IQGAP2: variants seen among roughly 807,000 people sequenced by gnomAD.
IQGAP2 encodes IQ motif containing GTPase activating protein 2.
In IQGAP2, 173 loss-of-function variants were observed where a neutral mutation model predicts 201.3. The ratio of observed to expected loss-of-function variants is 0.86; its 90% confidence interval spans 0.76 to 0.98. The LOEUF is 0.98. Ranked by LOEUF, IQGAP2 falls within the 50% of genes least tolerant of loss-of-function variation. The probability of loss-of-function intolerance (pLI) is 0.00; values close to 1 mark genes in which losing one functional copy is unlikely to be tolerated. For missense variants in IQGAP2, 1,687 were observed against 1,864.8 expected (o/e 0.90, Z 1.76); for synonymous variants, 675 against 673.9 (o/e 1.00, Z -0.03).
intron 2 of IQGAP2, among the ~76,000 whole-genome samples, chr5:76,474,949 T>C (rs186512745): frequency 6.6e-6 from 1 of 152,294 alleles, no homozygotes; most frequent in Non-Finnish European, 1.5e-5. Context: ...CGACCTCATG[T>C]GATCCACCCA....
chr5:76,467,268 A>C (rs1245123399), intron 2 of IQGAP2, among the ~76,000 whole-genome samples: 2 of 152,226 alleles, frequency 1.3e-5, no homozygotes, highest in Non-Finnish European at 2.9e-5. Flanking sequence ...AAATAAAAAT[A>C]AAAGTAAAGC....
At chr5:76,654,826 T>C in intron 19 of IQGAP2, 108 bp from the exon 20 acceptor site, 1 of 700,102 alleles carries the variant, frequency 1.4e-6, no homozygotes, top group Non-Finnish European at 2.5e-6. Flanking sequence ...CTGTCAGTTC[T>C]AAGTAGTGTC....
chr5:76,683,314 T>G (rs904724396), intron 29 of IQGAP2, 97 bp downstream of exon 29: 17 of 706,346 alleles, frequency 2.4e-5, no homozygotes, highest in Non-Finnish European at 3.3e-5. Flanking sequence ...ATAAAACAAT[T>G]ATTTTGGAAT....
chr5:76,707,500 G>A lies in IQGAP2; in HGVS notation c.*187G>A. On this transcript the variant is annotated 3_prime_UTR_variant, in exon 36 of 36. Transcript: ENST00000274364. ...CTAATTTGATACTATAATAGAATGAGACATAAAATGAATTAATGGAAACAT... is the reference window on the plus strand; with the variant it reads ...CTAATTTGATACTATAATAGAATGAAACATAAAATGAATTAATGGAAACAT... The A allele has an allele frequency of 3.5e-6, 2 of 563,776 alleles. No homozygotes were observed. The highest frequency in any genetic ancestry group is 6.3e-6 in the Non-Finnish European group (2 of 319,418). 34.9% of individuals were successfully genotyped at this position (563,776 alleles called of 1,614,324 possible). A position where few individuals can be genotyped will look rare whatever the true frequency, so the allele number is the denominator to read the frequency against.
chr5:76,553,326 T>A (rs76933785), intron 2 of IQGAP2, among the ~76,000 whole-genome samples: 4,617 of 152,298 alleles, frequency 0.03, 156 homozygotes, highest in East Asian at 0.21. Context: ...AAGGGAAAAA[T>A]TGACTTGTGA....
At chr5:76,415,601 G>A (rs1053993969) in intron 1 of IQGAP2, among the ~76,000 whole-genome samples, 4 of 152,212 alleles carry the variant, frequency 2.6e-5, no homozygotes, top group Admixed American at 1.3e-4. Flanking sequence ...GGACAGAAAT[G>A]TTAAGAGGCC....
At chr5:76,608,266 A>G (rs1241162457) in intron 12 of IQGAP2, among the ~76,000 whole-genome samples, 3 of 152,242 alleles carry the variant, frequency 2.0e-5, no homozygotes, top group Non-Finnish European at 4.4e-5. Flanking sequence ...TCTGTTAAGT[A>G]TCTTGTCATA....
At chr5:76,551,626 G>A (rs1743535139) in intron 2 of IQGAP2, among the ~76,000 whole-genome samples, 1 of 149,786 alleles carries the variant, frequency 6.7e-6, no homozygotes, top group Admixed American at 6.6e-5. Context: ...GCCGAGGCAG[G>A]CAGATCACTC....
intron 2 of IQGAP2, among the ~76,000 whole-genome samples, chr5:76,517,931 A>G (rs2150190598): frequency 6.6e-6 from 1 of 152,212 alleles, no homozygotes; most frequent in South Asian, 2.1e-4. Context: ...GAGACTGGGC[A>G]ATTTACGAAA....
At chr5:76,551,668 C>T (rs1443877043) in intron 2 of IQGAP2, among the ~76,000 whole-genome samples, 1 of 122,488 alleles carries the variant, frequency 8.2e-6, no homozygotes, top group Non-Finnish European at 1.7e-5. Context: ...GCCCAGCCAA[C>T]ACGGCGAAAC....
At chr5:76,421,630 G>A (rs4382145) in intron 1 of IQGAP2, among the ~76,000 whole-genome samples, 6 of 151,940 alleles carry the variant, frequency 3.9e-5, no homozygotes, top group Non-Finnish European at 7.4e-5. Context: ...AAAAAAATAG[G>A]TGTGGCAAAA....
intron 11 of IQGAP2, among the ~76,000 whole-genome samples, chr5:76,604,364 C>G (rs1439137578): frequency 4.0e-5 from 6 of 151,848 alleles, no homozygotes; most frequent in Non-Finnish European, 7.4e-5. Flanking sequence ...GCCACATTTT[C>G]TTTATCCAGT....
chr5:76,680,054 C>T (rs530922249), intron 28 of IQGAP2, among the ~76,000 whole-genome samples: 1 of 152,262 alleles, frequency 6.6e-6, no homozygotes, highest in South Asian at 2.1e-4. Flanking sequence ...AATTTAGCAT[C>T]AAACAGATAC....
chr5:76,434,958 T>G (rs1299854310), intron 1 of IQGAP2, among the ~76,000 whole-genome samples: 2 of 152,166 alleles, frequency 1.3e-5, no homozygotes, highest in Non-Finnish European at 2.9e-5. Context: ...ATTAGTGATG[T>G]TGAGCATTTT....
chr5:76,616,564 G>A (rs1748989272), intron 13 of IQGAP2: 1 of 153,186 alleles, frequency 6.5e-6, no homozygotes, highest in Admixed American at 6.6e-5. Flanking sequence ...TTAGAAGGTA[G>A]AGGTGGCCTG....
chr5:76,603,141 T>C (rs1747545580), intron 11 of IQGAP2, among the ~76,000 whole-genome samples: 2 of 152,248 alleles, frequency 1.3e-5, no homozygotes, highest in African/African-American at 4.8e-5. Flanking sequence ...TTTTGTGCTT[T>C]AGCCAAGTCC....
intron 3 of IQGAP2, among the ~76,000 whole-genome samples, chr5:76,565,735 C>T (rs1744699052): frequency 6.6e-6 from 1 of 152,182 alleles, no homozygotes; most frequent in Non-Finnish European, 1.5e-5. Flanking sequence ...TTCACATAAG[C>T]CAAAGGATTC....
intron 2 of IQGAP2, among the ~76,000 whole-genome samples, chr5:76,548,898 T>TA (rs1156271574): frequency 6.6e-6 from 1 of 152,042 alleles, no homozygotes; most frequent in African/African-American, 2.4e-5. Context: ...TGTAAGGCAA[T>TA]AGGATGTGTT....
At position 76,592,916 on chromosome 5, in the gene IQGAP2, A is replaced by G; in HGVS notation, c.898A>G (p.Lys300Glu). ...TQAEIQGNIN[K>E]VNRQAAVDHI... is the part of the protein sequence containing the mutation. Reference sequence around the variant, plus strand: ...AGCAGAAATCCAAGGCAATATTAATAAAGTCAACAGTAAGTAATGGATCGT... The same window carrying G: ...AGCAGAAATCCAAGGCAATATTAATGAAGTCAACAGTAAGTAATGGATCGT... Residue 300 changes from lysine to glutamate, a missense_variant, in exon 9 of 36, where the codon AAA becomes GAA. Transcript: ENST00000274364. 2 of 1,599,990 alleles carry G rather than the reference A, an allele frequency of 1.3e-6. No homozygotes were observed. Among genetic ancestry groups the G allele is most frequent in the Non-Finnish European group, 1.7e-6 (2 of 1,167,208 alleles).
Sources: allele counts gnomAD v4.1 joint callset (sites outside exome capture counted in the v4.1 genomes callset), GRCh38; gene constraint gnomAD v4.1.1; transcripts MANE v1.5; gene names NCBI Gene and HGNC (gene_info 2026-07-23, HGNC 2026-07-21).